BIVM: variants seen among roughly 807,000 people sequenced by gnomAD.
The protein encoded by BIVM is basic immunoglobulin-like variable motif-containing protein.
A neutral mutation model predicts 61.4 loss-of-function variants in BIVM; 31 were observed. The ratio of observed to expected loss-of-function variants is 0.51; its 90% CI spans 0.38 to 0.68. The LOEUF is 0.68. Among genes scored for constraint, BIVM ranks in the 30% least tolerant of loss-of-function variants. BIVM has a pLI of 0.00. For synonymous variants in BIVM, 189 were observed against 210.7 expected, an observed-to-expected ratio of 0.90 and a Z score of 0.89; for missense variants, 526 against 596.0, an observed-to-expected ratio of 0.88 and a Z score of 1.22.
At chr13:102,839,509 A>T in intron 10 of BIVM, 63 bp from the exon 11 acceptor site, 1 of 1,573,382 alleles carries the variant, frequency 6.4e-7, no homozygotes, top group Non-Finnish European at 8.6e-7. Flanking sequence ...GTTCATAGGG[A>T]CCTACAAATT....
chr13:102,815,912 G>A (rs1879841094), intron 3 of BIVM, among the ~76,000 whole-genome samples: 3 of 152,246 alleles, frequency 2.0e-5, no homozygotes, highest in South Asian at 4.1e-4. Context: ...CGTCTCTGTC[G>A]GTCCAGAGAT....
intron 4 of BIVM, among the ~76,000 whole-genome samples, chr13:102,819,287 C>T (rs1880077771): frequency 6.6e-6 from 1 of 152,154 alleles, no homozygotes; most frequent in African/African-American, 2.4e-5. Flanking sequence ...TGAAAAAGTT[C>T]TGTTGCCTAA....
chr13:102,828,766 C>T (rs1032362721), intron 7 of BIVM, among the ~76,000 whole-genome samples: 5 of 152,064 alleles, frequency 3.3e-5, no homozygotes, highest in East Asian at 1.9e-4. Context: ...TAGTGGCTCA[C>T]GCCTGTAATC....
rs1223276765 is a variant in BIVM at position 102,831,449 on chromosome 13, G to A, written c.902-116G>A. Reference sequence around the variant, plus strand: ...TAGCTTCTTGTTTTTCCCCAGCAGTGTCAGTGTATTCCAAGTAATGTCTTT... The same window carrying A: ...TAGCTTCTTGTTTTTCCCCAGCAGTATCAGTGTATTCCAAGTAATGTCTTT... On this transcript the variant is annotated intron_variant, in intron 7 of 10. Coordinates refer to ENST00000257336, the MANE Select transcript of BIVM (RefSeq NM_017693.4). The A allele has an allele frequency of 5.5e-6, 8 of 1,449,654 alleles. No homozygotes were observed. In the East Asian group the frequency reaches 1.1e-4, roughly 21 times the overall value. The allele number at this position is 1,449,654 out of a possible 1,614,324, so 89.8% of individuals were successfully genotyped here.
chr13:102,826,736 T>C (rs568628663), intron 7 of BIVM, among the ~76,000 whole-genome samples: 36 of 152,204 alleles, frequency 2.4e-4, no homozygotes, highest in Non-Finnish European at 4.7e-4. Context: ...GCCTGCTGAT[T>C]AGAAGAGGAC....
Position 102,807,736 on chromosome 13 carries a change from C to A in BIVM, c.469C>A (p.His157Asn). The stretch of plus-strand genomic sequence containing the variant: ...TGATGGGGTGACCACAAATTCGAAA[C>A]ACAAATCAGGTAAGGAGGGAGCCAT... ...EFDGVTTNSK[H>N]KSGNAKKQVS... Residue 157 changes from histidine to asparagine, a missense_variant, in exon 3 of 11, where the codon CAC (histidine) becomes AAC (asparagine). His to Asn is a moderately conservative substitution (Grantham distance 68). Coordinates refer to ENST00000257336, the MANE Select transcript of BIVM (RefSeq NM_017693.4). This position sits in a 1 kb window ranked among gnomAD's most constrained non-coding sequence, Gnocchi z 4.0. 1.2e-6 allele frequency: 2 copies of A among 1,608,932 alleles called. No individual in the cohort carries two copies. The highest frequency in any genetic ancestry group is 1.7e-6 in the Non-Finnish European group (2 of 1,177,400).
chr13:102,813,773 G>A (rs1879663081), intron 3 of BIVM, among the ~76,000 whole-genome samples: 1 of 152,068 alleles, frequency 6.6e-6, no homozygotes, highest in Non-Finnish European at 1.5e-5. Flanking sequence ...CTGTCTCCTT[G>A]GTACAGCTCC....
intron 7 of BIVM, among the ~76,000 whole-genome samples, chr13:102,825,289 G>T (rs1363495825): frequency 2.0e-5 from 3 of 151,828 alleles, no homozygotes; most frequent in Non-Finnish European, 4.4e-5. Flanking sequence ...TTAGAGATGG[G>T]GGCTCACTAT....
chr13:102,819,182 G>A (rs2139193640), intron 4 of BIVM, among the ~76,000 whole-genome samples: 1 of 152,296 alleles, frequency 6.6e-6, no homozygotes, highest in East Asian at 1.9e-4. Flanking sequence ...ACTTGAATAA[G>A]GACATTAGTA....
At chr13:102,815,031 A>C (rs1566447687) in intron 3 of BIVM, among the ~76,000 whole-genome samples, 1 of 152,080 alleles carries the variant, frequency 6.6e-6, no homozygotes, top group Non-Finnish European at 1.5e-5. Context: ...GCAACAAAGC[A>C]AGACCTTGTC....
chr13:102,802,461 C>G (rs986699483), intron 1 of BIVM, among the ~76,000 whole-genome samples: 1 of 152,104 alleles, frequency 6.6e-6, no homozygotes, highest in Non-Finnish European at 1.5e-5. Context: ...TTCCATTTTC[C>G]TGTAATATCT....
intron 3 of BIVM, among the ~76,000 whole-genome samples, chr13:102,811,708 A>G (rs1410591440): frequency 6.6e-6 from 1 of 152,066 alleles, no homozygotes; most frequent in Non-Finnish European, 1.5e-5. Context: ...TTTTTAGTAG[A>G]GACGGAGTTT....
intron 7 of BIVM, among the ~76,000 whole-genome samples, chr13:102,824,739 C>T (rs1400512375): frequency 6.6e-6 from 1 of 152,004 alleles, no homozygotes; most frequent in African/African-American, 2.4e-5. Flanking sequence ...TATTATTTTT[C>T]TTTTGAACTT....
Position 102,837,226 on chromosome 13 carries a change from T to C in BIVM, c.1122-1417T>C, listed in dbSNP as rs559076736. Among the ~76,000 whole-genome samples, 89 of 152,226 alleles carry C rather than the reference T, an allele frequency of 5.8e-4. 1 individual carries two copies. The highest frequency in any genetic ancestry group is 2.0e-3 in the African/African-American group (83 of 41,550). On this transcript the variant is annotated intron_variant, in intron 9 of 10. Coordinates refer to ENST00000257336, the MANE Select transcript of BIVM (RefSeq NM_017693.4). ...CTGGGAGGTCGAGGCTGCAGTGAGC[T>C]GAGATTGCACCACTGCACTCCTCCC...
intron 5 of BIVM, 125 bp downstream of exon 5, chr13:102,821,257 G>GT (rs1880256269): frequency 6.1e-6 from 5 of 825,038 alleles, no homozygotes; most frequent in Non-Finnish European, 9.1e-6. Context: ...GTATTTTAGT[G>GT]TAAGTCTTTT....
At chr13:102,814,649 A>G (rs1879743265) in intron 3 of BIVM, among the ~76,000 whole-genome samples, 1 of 152,224 alleles carries the variant, frequency 6.6e-6, no homozygotes, top group Non-Finnish European at 1.5e-5. Flanking sequence ...TCATTTTACC[A>G]GTCAAGGAAA....
In BIVM at chr13:102,816,427, G is replaced by T; in HGVS notation, c.479-1G>T. 6.4e-7 allele frequency: 1 copy of T among 1,574,540 alleles called. No individual in the cohort carries two copies. Among genetic ancestry groups the T allele is most frequent in the South Asian group, 1.2e-5 (1 of 83,710 alleles). ...GCTTATTTTATACTCTTGTATTCTA[G>T]GCAATGCAAAGAAACAAGTTTCCAA... On this transcript the variant is annotated splice_acceptor_variant, in intron 3 of 10. Transcript: ENST00000257336. LOFTEE classifies it high-confidence loss of function.
intron 9 of BIVM, among the ~76,000 whole-genome samples, chr13:102,838,212 C>A (rs1180624836): frequency 2.0e-5 from 3 of 152,188 alleles, no homozygotes; most frequent in Non-Finnish European, 4.4e-5. Context: ...AATCTTCCAT[C>A]TTTACCAAAT....
chr13:102,821,635 A>G (rs1321391529), intron 5 of BIVM, 108 bp from the exon 6 acceptor site: 5 of 871,498 alleles, frequency 5.7e-6, no homozygotes, highest in African/African-American at 3.6e-5. Flanking sequence ...AATGAAAAAT[A>G]TTACTAATAT....
Sources: allele counts gnomAD v4.1 joint callset (sites outside exome capture counted in the v4.1 genomes callset), GRCh38; gene constraint gnomAD v4.1.1; non-coding constraint Gnocchi (gnomAD v3.1); transcripts MANE v1.5; gene names NCBI Gene and HGNC (gene_info 2026-07-23, HGNC 2026-07-21).